FAM91A1: variants seen among roughly 807,000 people sequenced by gnomAD.
The protein encoded by FAM91A1 is protein FAM91A1.
Under a neutral mutation model 113.5 loss-of-function variants are expected in FAM91A1, and 41 were observed. The ratio of observed to expected loss-of-function variants is 0.36; its 90% CI spans 0.28 to 0.47. FAM91A1 has a LOEUF of 0.47. FAM91A1 is among the 20% of genes least tolerant of loss of function. The pLI, the probability that FAM91A1 is intolerant of heterozygous loss-of-function variation, is 1.00. For synonymous variants in FAM91A1, 307 were observed against 347.9 expected (o/e 0.88, Z 1.31); for missense variants, 696 against 1,001.2 (o/e 0.70, Z 4.11).
intron 1 of FAM91A1, 102 bp downstream of exon 1, chr8:123,768,876 C>T: frequency 1.7e-6 from 2 of 1,200,208 alleles, no homozygotes; most frequent in Non-Finnish European, 2.4e-6. Context: ...TGCCGGCTGA[C>T]TCCCTTCCTT....
In FAM91A1 at chr8:123,789,662, T is replaced by G; in HGVS notation, c.1328T>G (p.Leu443Arg). ...GCACAGAGATATTTTGATCATGCAC[T>G]TACTCTGAGAAACACAATACTGTTT... is the stretch of plus-strand genomic sequence containing the variant. ...GEAQRYFDHA[L>R]TLRNTILFLR... The change falls in exon 15 of 24, where the codon CTT (leucine) becomes CGT (arginine). Residue 443 changes from leucine (L) to arginine (R), a missense_variant. Leu to Arg is a moderately radical substitution (Grantham distance 102). Coordinates refer to ENST00000334705, the MANE Select transcript of FAM91A1 (RefSeq NM_144963.4). The G allele has an allele frequency of 6.2e-7, 1 of 1,612,420 alleles. No individual in the cohort carries two copies. The highest frequency in any genetic ancestry group is 8.5e-7 in the Non-Finnish European group (1 of 1,179,796).
chr8:123,796,279 C>CGTA (rs1250664845), intron 15 of FAM91A1, among the ~76,000 whole-genome samples: 2 of 152,152 alleles, frequency 1.3e-5, no homozygotes, highest in Admixed American at 1.3e-4. Context: ...AAGAATTACA[C>CGTA]CACTGAAGAT....
At position 123,774,161 on chromosome 8, in the gene FAM91A1, T is replaced by C; in HGVS notation, c.154T>C (p.Leu52=). The C allele has an allele frequency of 6.2e-7, 1 of 1,606,436 alleles. No homozygotes were observed. The highest frequency in any genetic ancestry group is 1.1e-5 in the South Asian group (1 of 89,644). ...CAATCAGTTACGATATAGAAATAAC[T>C]TAGGTAAGTAGAGCCATGTTTATAT... ...IRNQLRYRNN[L]VKHVKKDERR... The change falls in exon 2 of 24, where the codon TTA becomes CTA. Residue 52 remains leucine, a synonymous_variant. Coordinates refer to ENST00000334705, the MANE Select transcript of FAM91A1 (RefSeq NM_144963.4).
At chr8:123,799,686 T>C (rs549617197) in intron 17 of FAM91A1, 32 bp downstream of exon 17, 2 of 1,612,730 alleles carry the variant, frequency 1.2e-6, no homozygotes, top group African/African-American at 1.3e-5. Flanking sequence ...GGTTTTTTTA[T>C]GTGTGTGTGA....
At chr8:123,771,300 C>G (rs1165203088) in intron 1 of FAM91A1, among the ~76,000 whole-genome samples, 1 of 152,206 alleles carries the variant, frequency 6.6e-6, no homozygotes, top group Non-Finnish European at 1.5e-5. Flanking sequence ...GTATTTGTGG[C>G]TGAGCACCTA....
At chr8:123,773,983 A>G (rs1322281800) in intron 1 of FAM91A1, 97 bp from the exon 2 acceptor site, 1 of 868,436 alleles carries the variant, frequency 1.2e-6, no homozygotes, top group Non-Finnish European at 1.8e-6. Context: ...ATGCCAGGAT[A>G]AAAATGGGGG....
intron 20 of FAM91A1, among the ~76,000 whole-genome samples, chr8:123,807,480 CAAAAAAAAAAA>C (rs546080328): frequency 1.0e-4 from 6 of 58,952 alleles, no homozygotes; most frequent in South Asian, 7.2e-4. Context: ...CCTGTCTCTA[CAAAAAAAAAAA>C]AAAAAAAAAA....
In FAM91A1 at chr8:123,808,330, G is replaced by A. The variant is rs1226707186; in HGVS notation, c.2091G>A (p.Met697Ile). ...DVNGSTESFE[M>I]VIEEATIDSA... is the part of the protein sequence containing the mutation. ...ATGGGAGTACAGAGTCATTTGAAAT[G>A]GTCATTGAGGAAGCAACTATAGATT... is the stretch of plus-strand genomic sequence containing the variant. Residue 697 changes from methionine to isoleucine, a missense_variant, in exon 21 of 24, where the codon ATG (methionine) becomes ATA (isoleucine). Transcript: ENST00000334705. 6.2e-7 allele frequency: 1 copy of A among 1,613,490 alleles called. No individual in the cohort carries two copies. The highest frequency in any genetic ancestry group is 2.2e-5 in the East Asian group (1 of 44,806).
chr8:123,780,929 T>C (rs750002408), intron 8 of FAM91A1, among the ~76,000 whole-genome samples: 14 of 152,188 alleles, frequency 9.2e-5, no homozygotes, highest in Non-Finnish European at 1.5e-4. Context: ...TACTGTAGTC[T>C]TTTTGTCTAT....
At chr8:123,804,017 A>G (rs954709688) in intron 18 of FAM91A1, among the ~76,000 whole-genome samples, 3 of 152,240 alleles carry the variant, frequency 2.0e-5, no homozygotes, top group East Asian at 1.9e-4. Context: ...AAATTTTGGA[A>G]TTAAATATAA....
At chr8:123,773,814 C>A (rs571380527) in intron 1 of FAM91A1, among the ~76,000 whole-genome samples, 1 of 152,074 alleles carries the variant, frequency 6.6e-6, no homozygotes, top group East Asian at 1.9e-4. Context: ...ACTCACCTAC[C>A]GGTTTTTATT....
chr8:123,791,143 A>G (rs1358969707), intron 15 of FAM91A1, among the ~76,000 whole-genome samples: 3 of 152,204 alleles, frequency 2.0e-5, no homozygotes, highest in Non-Finnish European at 4.4e-5. Flanking sequence ...ATTAGAGAGT[A>G]CTAGTGACCA....
intron 18 of FAM91A1, among the ~76,000 whole-genome samples, chr8:123,801,135 A>G (rs548280109): frequency 2.6e-5 from 4 of 152,316 alleles, no homozygotes; most frequent in South Asian, 4.1e-4. Flanking sequence ...ATCATTTTAC[A>G]TTCTCACGGG....
chr8:123,784,961 A>C (rs769890958), intron 9 of FAM91A1, 120 bp from the exon 10 acceptor site: 52 of 642,238 alleles, frequency 8.1e-5, no homozygotes, highest in Non-Finnish European at 1.3e-4. Context: ...AAATTTATTC[A>C]GTCTTCTAAT....
chr8:123,787,756 T>C lies in FAM91A1; in HGVS notation c.1278+6T>C, dbSNP rs57721155. On this transcript the variant is annotated splice_donor_region_variant and intron_variant, in intron 14 of 23. Transcript: ENST00000334705. The stretch of plus-strand genomic sequence containing the variant: ...TTCTTATAGAACTAGAAAAGGTAAA[T>C]GTAGATTGCATGTAAGGGGATGTTA... The C allele has an allele frequency of 2.3e-3, 3,714 of 1,605,432 alleles. 72 individuals are homozygous for C. The African/African-American group carries it at 0.044, about 19-fold the overall frequency.
At chr8:123,772,462 G>A (rs1291776902) in intron 1 of FAM91A1, among the ~76,000 whole-genome samples, 1 of 152,216 alleles carries the variant, frequency 6.6e-6, no homozygotes, top group East Asian at 1.9e-4. Flanking sequence ...ATGCTACGAA[G>A]AGGATGGTAG....
At chr8:123,770,022 C>T (rs1039032292) in intron 1 of FAM91A1, among the ~76,000 whole-genome samples, 5 of 151,994 alleles carry the variant, frequency 3.3e-5, no homozygotes, top group East Asian at 1.9e-4. Flanking sequence ...GTGTGATCTC[C>T]GCTCACTGCA....
Position 123,777,158 on chromosome 8 carries a change from G to A in FAM91A1, c.310-107G>A, listed in dbSNP as rs1815004964. ...TAGGTAGCCAAACTATGATCTTACT[G>A]CTTCCTGTAATAATCATTGTTATTG... On this transcript the variant is annotated intron_variant, in intron 3 of 23. Coordinates refer to ENST00000334705, the MANE Select transcript of FAM91A1 (RefSeq NM_144963.4). 6 of 790,934 alleles carry A rather than the reference G, an allele frequency of 7.6e-6. No homozygotes were observed. In the South Asian group the frequency reaches 1.1e-4, roughly 15 times the overall value. 49.0% of individuals were successfully genotyped at this position (790,934 alleles called of 1,614,324 possible). A position where few individuals can be genotyped will look rare whatever the true frequency, so the allele number is the denominator to read the frequency against.
At chr8:123,781,597 T>C (rs1586374126) in intron 8 of FAM91A1, among the ~76,000 whole-genome samples, 1 of 151,574 alleles carries the variant, frequency 6.6e-6, no homozygotes, top group South Asian at 2.1e-4. Flanking sequence ...CCTGCCTCAG[T>C]CTCCCGAATA....
Sources: gnomAD v4.1 joint callset for allele counts (sites outside exome capture counted in the v4.1 genomes callset) on GRCh38, gnomAD v4.1.1 for gene constraint, MANE v1.5 for transcripts, NCBI Gene and HGNC (gene_info 2026-07-23, HGNC 2026-07-21) for gene names.